The following ATPAF1 variants were observed in gnomAD, a reference collection of about 807,000 sequenced individuals.
ATPAF1 encodes homolog of yeast ATP11.
A neutral mutation model predicts 43.9 loss-of-function variants in ATPAF1; 26 were observed. That is an observed-to-expected ratio of 0.59 (90% CI 0.43 to 0.82). The LOEUF (loss-of-function observed/expected upper bound fraction) is 0.82. Among genes scored for constraint, ATPAF1 ranks in the 40% least tolerant of loss-of-function variants. The pLI, the probability that ATPAF1 is intolerant of heterozygous loss-of-function variation, is 0.00. For missense variants in ATPAF1, 366 were observed against 435.0 expected (o/e 0.84, Z 1.41); for synonymous variants, 157 against 168.0 (o/e 0.93, Z 0.50).
chr1:46,654,550 T>TTA (rs1279964684), intron 4 of ATPAF1, among the ~76,000 whole-genome samples: 3 of 148,370 alleles, frequency 2.0e-5, no homozygotes, highest in Non-Finnish European at 3.0e-5. Flanking sequence ...ATTATTATTA[T>TTA]TATTATTATT....
intron 7 of ATPAF1, among the ~76,000 whole-genome samples, chr1:46,643,934 G>C (rs1161301003): frequency 6.6e-6 from 1 of 152,144 alleles, no homozygotes; most frequent in Non-Finnish European, 1.5e-5. Flanking sequence ...CATAGCACAG[G>C]TGGAAACAAC....
At chr1:46,657,355 G>A (rs980921590) in intron 4 of ATPAF1, among the ~76,000 whole-genome samples, 3 of 152,140 alleles carry the variant, frequency 2.0e-5, no homozygotes, top group Admixed American at 2.0e-4. Flanking sequence ...AAACAGGCAG[G>A]ATAGCTCATG....
chr1:46,641,851 T>C (rs561524863), intron 8 of ATPAF1, among the ~76,000 whole-genome samples: 1 of 152,262 alleles, frequency 6.6e-6, no homozygotes, highest in East Asian at 1.9e-4. Context: ...ATCTCGTCTC[T>C]TCTCTATTTT....
intron 8 of ATPAF1, chr1:46,636,178 CTGTAT>C: frequency 1.5e-6 from 1 of 648,266 alleles, no homozygotes; most frequent in East Asian, 2.7e-5. Context: ...ATTTATCACA[CTGTAT>C]TGTATTTTTC....
intron 4 of ATPAF1, among the ~76,000 whole-genome samples, chr1:46,654,712 C>T (rs948545401): frequency 6.6e-6 from 1 of 151,900 alleles, no homozygotes; most frequent in Non-Finnish European, 1.5e-5. Flanking sequence ...CCTGACAGGC[C>T]CCAGTGTGTG....
rs182751653 is a variant in ATPAF1, at chr1:46,665,618, A to T, written c.267-254T>A. 6,017 of 1,506,584 alleles carry T rather than the reference A, an allele frequency of 4.0e-3. 18 individuals are homozygous for T. Among genetic ancestry groups the T allele is most frequent in the Non-Finnish European group, 4.7e-3 (5,220 of 1,120,798 alleles). The allele number at this position is 1,506,584 out of a possible 1,614,324, so 93.3% of individuals were successfully genotyped here. ...CTTTTGCAGGCTGTTCCCTAGGTTT[A>T]CACAGGGCTTAGTCTCTCAGGTACT... On this transcript the variant is annotated intron_variant, in intron 1 of 8. Coordinates refer to ENST00000574428, the Ensembl canonical transcript of ATPAF1.
In ATPAF1 at chr1:46,637,949, T is replaced by C. The variant is rs2148813726; in HGVS notation, c.793-1979A>G. 1.3e-5 allele frequency among the ~76,000 whole-genome samples: 2 copies of C among 152,288 alleles called. 1 individual carries two copies. Among genetic ancestry groups the C allele is most frequent in the Admixed American group, 1.3e-4 (2 of 15,300 alleles). ...GTATTCCCCCCAATTCATCCTTCTGTTTCTGGTAGGGCAAGATAATTAAGA... is the reference window on the plus strand; with the variant it reads ...GTATTCCCCCCAATTCATCCTTCTGCTTCTGGTAGGGCAAGATAATTAAGA... On this transcript the variant is annotated intron_variant, in intron 8 of 8. Transcript: ENST00000574428.
intron 6 of ATPAF1, 100 bp downstream of exon 6, chr1:46,652,481 C>CTA: frequency 8.3e-7 from 1 of 1,207,708 alleles, no homozygotes; most frequent in South Asian, 1.3e-5. Context: ...AAACAGAGCA[C>CTA]TATAACATGT....
intron 4 of ATPAF1, among the ~76,000 whole-genome samples, chr1:46,654,107 C>G (rs1211020589): frequency 6.6e-6 from 1 of 152,214 alleles, no homozygotes; most frequent in Non-Finnish European, 1.5e-5. Context: ...GATTCTCTGA[C>G]TTTAAAAGTC....
intron 1 of ATPAF1, among the ~76,000 whole-genome samples, chr1:46,667,413 C>T (rs1182976988): frequency 6.6e-6 from 1 of 152,178 alleles, no homozygotes; most frequent in African/African-American, 2.4e-5. Flanking sequence ...TCATATGCAC[C>T]TTAAGCCCCT....
chr1:46,661,283 C>A (rs1433793639), intron 2 of ATPAF1, among the ~76,000 whole-genome samples: 1 of 152,066 alleles, frequency 6.6e-6, no homozygotes. Context: ...CACCGTGTTG[C>A]CCAGGCTGGT....
intron 1 of ATPAF1, among the ~76,000 whole-genome samples, chr1:46,666,681 T>C (rs546652559): frequency 6.6e-6 from 1 of 152,314 alleles, no homozygotes; most frequent in East Asian, 1.9e-4. Flanking sequence ...TCCTCTCCAT[T>C]CTTTTTCAAA....
intron 1 of ATPAF1, chr1:46,666,077 A>G (rs1342234734): frequency 5.1e-6 from 1 of 197,544 alleles, no homozygotes; most frequent in Non-Finnish European, 1.0e-5. Context: ...TGGCCATGAG[A>G]CCCAGAGTTT....
chr1:46,658,059 G>GT, intron 4 of ATPAF1, 68 bp downstream of exon 4: 1 of 1,445,842 alleles, frequency 6.9e-7, no homozygotes, highest in Non-Finnish European at 9.6e-7. Context: ...GTCAGAAAAT[G>GT]TACTTTCAGA....
At chr1:46,662,312 CTAT>C (rs1367794306) in intron 2 of ATPAF1, among the ~76,000 whole-genome samples, 1 of 152,118 alleles carries the variant, frequency 6.6e-6, no homozygotes, top group Non-Finnish European at 1.5e-5. Flanking sequence ...AACCTTACTA[CTAT>C]AAGTGTTTAT....
intron 2 of ATPAF1, 57 bp from the exon 3 acceptor site, chr1:46,658,794 C>T: frequency 7.6e-7 from 1 of 1,318,786 alleles, no homozygotes; most frequent in Non-Finnish European, 1.0e-6. Context: ...AAAAAGGTAA[C>T]TAAGCTAGGT....
At chr1:46,665,710 A>T (rs1676479169) in intron 1 of ATPAF1, 1 of 1,531,874 alleles carries the variant, frequency 6.5e-7, no homozygotes, top group Non-Finnish European at 8.7e-7. Flanking sequence ...AGAATCCTAT[A>T]GCCTCCTTAC....
At chr1:46,647,503 TACACACAC>T (rs56095996) in intron 6 of ATPAF1, among the ~76,000 whole-genome samples, 31 of 150,716 alleles carry the variant, frequency 2.1e-4, no homozygotes, top group South Asian at 4.2e-4. Flanking sequence ...TATACACACA[TACACACAC>T]ACACACACAC....
chr1:46,645,098 G>A, intron 7 of ATPAF1, 63 bp downstream of exon 7: 1 of 1,285,966 alleles, frequency 7.8e-7, no homozygotes, highest in South Asian at 1.3e-5. Context: ...GCCTCAGCAA[G>A]GGTTTCTAGT....
Sources: allele counts gnomAD v4.1 joint callset (sites outside exome capture counted in the v4.1 genomes callset), GRCh38; gene constraint gnomAD v4.1.1; transcripts MANE v1.5; gene names NCBI Gene and HGNC (gene_info 2026-07-23, HGNC 2026-07-21).